The following KLHL12 variants were observed in gnomAD, a reference collection of about 807,000 sequenced individuals.
The protein encoded by KLHL12 is kelch like family member 12, also known as kelch-like protein 12.
In KLHL12, 17 loss-of-function variants were observed where a neutral mutation model predicts 60.8. The observed-to-expected ratio is 0.28, with a 90% CI of 0.19 to 0.42. The LOEUF is 0.42. Ranked by LOEUF, KLHL12 falls within the 10% of genes least tolerant of loss-of-function variation. The pLI is 1.00. For missense variants in KLHL12, 468 were observed against 722.3 expected (o/e 0.65, Z 4.04); for synonymous variants, 220 against 250.9 (o/e 0.88, Z 1.16).
rs569015098 is a variant in KLHL12, at chr1:202,903,992, G to C, written c.832+5018C>G. ...TTTAACCCTTTATCTATCTATCTATGTATCTATCTATCTATCTATCTATTT... is the reference window on the plus strand; with the variant it reads ...TTTAACCCTTTATCTATCTATCTATCTATCTATCTATCTATCTATCTATTT... On this transcript the variant is annotated intron_variant, in intron 6 of 11. Transcript: ENST00000367261. Among the ~76,000 whole-genome samples the C allele has an allele frequency of 1.5e-3, 215 of 141,586 alleles. 2 individuals carry two copies. Among genetic ancestry groups the C allele is most frequent in the Non-Finnish European group, 2.3e-3 (144 of 63,808 alleles). The allele number at this position is 141,586 out of a possible 152,430, so 92.9% of individuals were successfully genotyped here.
intron 6 of KLHL12, among the ~76,000 whole-genome samples, chr1:202,898,718 G>A (rs1309711357): frequency 2.0e-5 from 3 of 152,136 alleles, no homozygotes; most frequent in Non-Finnish European, 2.9e-5. Context: ...GAAATAAACT[G>A]GCTGGGAAAA....
In KLHL12 at chr1:202,893,899, CTTTA is replaced by C. The variant is rs1339291497; in HGVS notation, c.1393+281_1393+284del. Among the ~76,000 whole-genome samples the C allele has an allele frequency of 6.6e-6, 1 of 152,144 alleles. No individual in the cohort carries two copies. The highest frequency in any genetic ancestry group is 1.5e-5 in the Non-Finnish European group (1 of 68,032). The stretch of plus-strand genomic sequence containing the variant: ...CTCTTTTGTCCTTATGCATTAGAGA[CTTTA>C]TTTAACAGATATTTATTAAGCATGT... On this transcript the variant is annotated intron_variant, in intron 10 of 11. Transcript: ENST00000367261. This position sits in a 1 kb window ranked among gnomAD's most constrained non-coding sequence, Gnocchi z 4.1.
intron 6 of KLHL12, among the ~76,000 whole-genome samples, chr1:202,905,407 A>C (rs1221551548): frequency 6.6e-6 from 1 of 152,182 alleles, no homozygotes. Context: ...CTGAACATTA[A>C]CTCTGTTGAT....
At chr1:202,923,464 G>A (rs776973483) in intron 2 of KLHL12, among the ~76,000 whole-genome samples, 32 of 152,160 alleles carry the variant, frequency 2.1e-4, no homozygotes, top group Non-Finnish European at 3.5e-4. Context: ...TCAGGTTCCT[G>A]TTTTCCCTAC....
In KLHL12 at chr1:202,903,629, C is replaced by CTTTT. The variant is rs1220119536; in HGVS notation, c.832+5377_832+5380dup. 9.8e-3 allele frequency among the ~76,000 whole-genome samples: 745 copies of CTTTT among 76,088 alleles called. 94 individuals carry two copies. Among genetic ancestry groups the CTTTT allele is most frequent in the Middle Eastern group, 0.019 (2 of 108 alleles). The allele number at this position is 76,088 out of a possible 152,430, so 49.9% of individuals were successfully genotyped here. ...CTGGGACCACTAATTTTTTTCTTTT[C>CTTTT]TTTTTTTTTTTGAAACGGCGTCTTG... On this transcript the variant is annotated intron_variant, in intron 6 of 11. Coordinates refer to ENST00000367261, the MANE Select transcript of KLHL12 (RefSeq NM_021633.4).
At chr1:202,915,560 C>T (rs1660499159) in intron 4 of KLHL12, among the ~76,000 whole-genome samples, 1 of 152,188 alleles carries the variant, frequency 6.6e-6, no homozygotes, top group Non-Finnish European at 1.5e-5. Flanking sequence ...CTGCCCCATC[C>T]AGTTTTATTC....
In KLHL12 at chr1:202,895,662, T is replaced by C. The variant is rs1336646107; in HGVS notation, c.995A>G (p.Tyr332Cys). ...VASVSLHDRIYVIGGYDGRSR... is the reference protein window; with the variant it reads ...VASVSLHDRICVIGGYDGRSR... ...ACGGCCATCATAGCCACCAATGACG[T>C]AGATCCGGTCATGAAGGGACACTGA... Residue 332 changes from tyrosine to cysteine, a missense_variant, in exon 8 of 12, where the codon TAC becomes TGC. By Grantham distance (194) the Tyr-to-Cys change is radical. Transcript: ENST00000367261. The surrounding 1 kb of genome is among the most constrained non-coding windows in gnomAD (Gnocchi z 4.2). The C allele has an allele frequency of 1.2e-6, 2 of 1,614,030 alleles. No individual in the cohort carries two copies. The highest frequency in any genetic ancestry group is 2.2e-5 in the East Asian group (1 of 44,890).
intron 6 of KLHL12, among the ~76,000 whole-genome samples, chr1:202,900,375 T>C (rs6427979): frequency 0.54 from 81,076 of 150,994 alleles, 22,711 homozygotes; most frequent in Non-Finnish European, 0.62. Context: ...GAGACTCCCA[T>C]ATCTAGAAAA....
chr1:202,900,527 G>C (rs1031091684), intron 6 of KLHL12, among the ~76,000 whole-genome samples: 1 of 151,022 alleles, frequency 6.6e-6, no homozygotes, highest in African/African-American at 2.4e-5. Flanking sequence ...CCAGCCTGGG[G>C]AACAGAGTGA....
At chr1:202,896,777 T>C in intron 7 of KLHL12, 77 bp downstream of exon 7, 1 of 1,083,384 alleles carries the variant, frequency 9.2e-7, no homozygotes, top group Non-Finnish European at 1.4e-6. Context: ...CTCTTAAGGC[T>C]GGATTAGCTA....
chr1:202,919,731 A>T (rs774413122), intron 3 of KLHL12, 24 bp downstream of exon 3: 1 of 1,582,376 alleles, frequency 6.3e-7, no homozygotes. Flanking sequence ...TGACATAAAC[A>T]ATAGCAAGTT....
chr1:202,920,566 C>T (rs12756649), intron 2 of KLHL12, among the ~76,000 whole-genome samples: 82,395 of 150,570 alleles, frequency 0.55, 23,330 homozygotes, highest in Non-Finnish European at 0.62. Context: ...TTAGTAGAGA[C>T]GGGGTTTCAC....
chr1:202,926,984 C>T (rs1653600957), intron 1 of KLHL12, 105 bp downstream of exon 1: 1 of 868,994 alleles, frequency 1.2e-6, no homozygotes, highest in Non-Finnish European at 1.4e-6. Context: ...GGGCATGTCT[C>T]CCATTCCGCC....
chr1:202,927,674 T>TG (rs1553240709), upstream of KLHL12, among the ~76,000 whole-genome samples: 1 of 75,432 alleles, frequency 1.3e-5, no homozygotes, highest in South Asian at 4.9e-4. Flanking sequence ...TGAGACCCTG[T>TG]AAAAAAAAAA....
intron 1 of KLHL12, among the ~76,000 whole-genome samples, chr1:202,926,326 T>A (rs1653552468): frequency 6.6e-6 from 1 of 152,158 alleles, no homozygotes; most frequent in African/African-American, 2.4e-5. Context: ...GAAATCAAAC[T>A]GTGGTCTCCA....
chr1:202,912,210 G>A lies in KLHL12; in HGVS notation c.568-1007C>T, dbSNP rs186418640. ...ATTTGAACAGTTTGGAAAAACGGAA[G>A]TGATTGAAATCATGACTGACTGAGG... On this transcript the variant is annotated intron_variant, in intron 4 of 11. Transcript: ENST00000367261. 222 of 1,072,370 alleles carry A rather than the reference G, an allele frequency of 2.1e-4. 2 individuals carry two copies. The African/African-American group carries it at 2.9e-3, about 14-fold the overall frequency. 66.4% of individuals were successfully genotyped at this position (1,072,370 alleles called of 1,614,324 possible).
chr1:202,918,874 C>T (rs893790387), intron 3 of KLHL12, among the ~76,000 whole-genome samples: 1 of 152,164 alleles, frequency 6.6e-6, no homozygotes, highest in Admixed American at 6.5e-5. Flanking sequence ...AAAAGCTTCA[C>T]ACTGTTTAAA....
chr1:202,897,826 TC>T (rs1392413254), intron 6 of KLHL12, among the ~76,000 whole-genome samples: 1 of 151,956 alleles, frequency 6.6e-6, no homozygotes, highest in African/African-American at 2.4e-5. Flanking sequence ...TGCCTCAGCC[TC>T]CCAAAGTGCT....
intron 4 of KLHL12, among the ~76,000 whole-genome samples, chr1:202,917,748 G>A (rs1304617242): frequency 1.3e-5 from 2 of 151,930 alleles, no homozygotes; most frequent in Non-Finnish European, 2.9e-5. Flanking sequence ...CTATATCTCT[G>A]TCTCTACTAG....
Sources: gnomAD v4.1 joint callset for allele counts (sites outside exome capture counted in the v4.1 genomes callset) on GRCh38, gnomAD v4.1.1 for gene constraint, Gnocchi (gnomAD v3.1) non-coding constraint, MANE v1.5 for transcripts, NCBI Gene and HGNC (gene_info 2026-07-23, HGNC 2026-07-21) for gene names.